CASP9: variants seen among roughly 807,000 people sequenced by gnomAD.
CASP9 encodes the protein caspase 9.
In CASP9, 29 loss-of-function variants were observed where a neutral mutation model predicts 43.5. The ratio of observed to expected loss-of-function variants is 0.67; its 90% CI spans 0.50 to 0.91. CASP9 has a LOEUF of 0.91. Among genes scored for constraint, CASP9 ranks in the 40% least tolerant of loss-of-function variants. CASP9 has a pLI of 0.00. For missense variants in CASP9, 575 were observed against 537.4 expected (o/e 1.07, Z -0.69); for synonymous variants, 206 against 211.9 (o/e 0.97, Z 0.24).
intron 4 of CASP9, 79 bp from the exon 5 acceptor site, chr1:15,506,158 G>A (rs1307934322): frequency 5.2e-6 from 5 of 952,548 alleles, no homozygotes; most frequent in African/African-American, 1.6e-5. Flanking sequence ...CAATAAAAGG[G>A]CCCAGCCTGG....
At chr1:15,502,568 G>A (rs959009787) in intron 6 of CASP9, among the ~76,000 whole-genome samples, 5 of 152,190 alleles carry the variant, frequency 3.3e-5, no homozygotes, top group Non-Finnish European at 4.4e-5. Context: ...CTGGGGACTC[G>A]GAGCATGCCA....
rs1252666675 is a variant in CASP9 at position 15,495,356 on chromosome 1, C to T, written c.965G>A (p.Gly322Asp). ...PEPDATPFQE[G>D]LRTFDQLDAI... ...GTCCAGCTGGTCGAAGGTCCTCAAA[C>T]CTTCCTGGAACGGGGTGGCATCTGG... The change falls in exon 7 of 9, where the codon GGT becomes GAT. Residue 322 changes from glycine to aspartate, a missense_variant. By Grantham distance (94) the Gly-to-Asp change is moderately conservative. Transcript: ENST00000333868. 2.5e-6 allele frequency: 4 copies of T among 1,610,284 alleles called. No individual in the cohort carries two copies. In the South Asian group the frequency reaches 4.4e-5, roughly 18 times the overall value.
intron 1 of CASP9, chr1:15,519,895 A>T (rs1710111608): frequency 6.6e-6 from 1 of 152,608 alleles, no homozygotes; most frequent in South Asian, 2.1e-4. Context: ...AGTCCCAGCT[A>T]CTCAGGAGGC....
intron 1 of CASP9, among the ~76,000 whole-genome samples, chr1:15,522,571 C>T (rs1308064921): frequency 1.3e-5 from 2 of 152,056 alleles, no homozygotes; most frequent in African/African-American, 2.4e-5. Context: ...TTTAATTAGC[C>T]AGGCATGGTG....
At chr1:15,497,413 G>C (rs927113056) in intron 6 of CASP9, among the ~76,000 whole-genome samples, 3 of 151,918 alleles carry the variant, frequency 2.0e-5, no homozygotes, top group African/African-American at 7.3e-5. Context: ...GGGAGACCGA[G>C]GCTGGTGGAT....
At chr1:15,499,818 T>C (rs1356059863) in intron 6 of CASP9, among the ~76,000 whole-genome samples, 1 of 152,232 alleles carries the variant, frequency 6.6e-6, no homozygotes, top group Non-Finnish European at 1.5e-5. Context: ...AAAAGGAAGA[T>C]GCAAAAATGA....
At chr1:15,523,429 T>A (rs971749811) in intron 1 of CASP9, among the ~76,000 whole-genome samples, 1 of 152,204 alleles carries the variant, frequency 6.6e-6, no homozygotes, top group African/African-American at 2.4e-5. Flanking sequence ...CCGAAACCTC[T>A]ATGCTAGAAA....
At chr1:15,496,762 C>T (rs746509523) in intron 6 of CASP9, among the ~76,000 whole-genome samples, 2 of 152,214 alleles carry the variant, frequency 1.3e-5, no homozygotes, top group East Asian at 3.8e-4. Flanking sequence ...GATGCCATGG[C>T]TCACGCCTGT....
intron 6 of CASP9, among the ~76,000 whole-genome samples, chr1:15,498,879 T>C (rs2103334256): frequency 6.6e-6 from 1 of 151,826 alleles, no homozygotes; most frequent in African/African-American, 2.4e-5. Flanking sequence ...CCCAAGTAGC[T>C]GGGACTACAG....
chr1:15,518,535 C>T (rs1710050702), intron 1 of CASP9, 140 bp from the exon 2 acceptor site: 3 of 716,572 alleles, frequency 4.2e-6, no homozygotes, highest in Non-Finnish European at 6.7e-6. Context: ...CACTGTGTGC[C>T]ATTTACCAGC....
At chr1:15,522,745 AT>A (rs1236236825) in intron 1 of CASP9, among the ~76,000 whole-genome samples, 1 of 152,164 alleles carries the variant, frequency 6.6e-6, no homozygotes, top group African/African-American at 2.4e-5. Context: ...ATACTGGGCC[AT>A]TTGTTGATAT....
At chr1:15,505,488 C>A (rs144292288) in intron 5 of CASP9, among the ~76,000 whole-genome samples, 1 of 152,304 alleles carries the variant, frequency 6.6e-6, no homozygotes, top group African/African-American at 2.4e-5. Context: ...GGACTCCAGG[C>A]CCCAGCTTAT....
chr1:15,524,125 A>T lies in CASP9; in HGVS notation c.76T>A (p.Trp26Arg), dbSNP rs775197782. 1 of 1,541,548 alleles carries T rather than the reference A, an allele frequency of 6.5e-7. No individual in the cohort carries two copies. Among genetic ancestry groups the T allele is most frequent in the South Asian group, 1.2e-5 (1 of 84,002 alleles). The change falls in exon 1 of 9, where the codon TGG (tryptophan) becomes AGG (arginine). Residue 26 changes from tryptophan to arginine, a missense_variant. By Grantham distance (101) the Trp-to-Arg change is moderately radical (BLOSUM62 -3). Transcript: ENST00000333868. ...LVEELQVDQL[W>R]DALLSRELFR... ...AGCTCGCGGCTCAGCAGGGCGTCCC[A>T]GAGCTGGTCCACCTGCAGCTCTTCC...
At chr1:15,503,918 CTTT>C (rs912721182) in intron 6 of CASP9, among the ~76,000 whole-genome samples, 1 of 152,158 alleles carries the variant, frequency 6.6e-6, no homozygotes, top group African/African-American at 2.4e-5. Flanking sequence ...TCTCTTCCCT[CTTT>C]TTTTATAAGA....
At chr1:15,524,494 G>A, upstream of CASP9, 1 of 596,860 alleles carries the variant, frequency 1.7e-6, no homozygotes, top group Non-Finnish European at 2.1e-6. Context: ...TCACCGCCCC[G>A]CCCCAGAACC....
chr1:15,507,995 C>G, intron 2 of CASP9, 88 bp from the exon 3 acceptor site: 1 of 1,393,934 alleles, frequency 7.2e-7, no homozygotes, highest in Non-Finnish European at 1.0e-6. Flanking sequence ...CCCCCAAGAA[C>G]GGAGCAGCGA....
At chr1:15,521,953 C>T (rs1710220256) in intron 1 of CASP9, among the ~76,000 whole-genome samples, 1 of 152,148 alleles carries the variant, frequency 6.6e-6, no homozygotes, top group South Asian at 2.1e-4. Flanking sequence ...TTGGGAACAG[C>T]ACAGACCTAC....
Position 15,492,809 on chromosome 1 carries a change from T to C in CASP9, c.*134A>G. On this transcript the variant is annotated 3_prime_UTR_variant, in exon 9 of 9. Coordinates refer to ENST00000333868, the MANE Select transcript of CASP9 (RefSeq NM_001229.5). The stretch of plus-strand genomic sequence containing the variant: ...AAGCTGCTAAGAGCCTGTCTGTCAC[T>C]GGCAGAGAAAGAGCAGACCCTGTGC... The C allele has an allele frequency of 8.1e-7, 1 of 1,238,180 alleles. No homozygotes were observed. The highest frequency in any genetic ancestry group is 1.1e-6 in the Non-Finnish European group (1 of 892,648). 76.7% of individuals were successfully genotyped at this position (1,238,180 alleles called of 1,614,324 possible). A position where few individuals can be genotyped will look rare whatever the true frequency, so the allele number is the denominator to read the frequency against.
rs1388086077 is a variant in CASP9, at chr1:15,508,199, A to G, written c.419-292T>C. On this transcript the variant is annotated intron_variant, in intron 2 of 8. Coordinates refer to ENST00000333868, the MANE Select transcript of CASP9 (RefSeq NM_001229.5). ...CCTGAGGCCTTATTCATCACGCCCC[A>G]ACATGGAAACAACCAATCTAACAAC... 3.3e-5 allele frequency among the ~76,000 whole-genome samples: 5 copies of G among 152,220 alleles called. No homozygotes were observed. In the East Asian group the frequency reaches 5.8e-4, roughly 18 times the overall value.
Sources: allele counts gnomAD v4.1 joint callset (sites outside exome capture counted in the v4.1 genomes callset), GRCh38; gene constraint gnomAD v4.1.1; transcripts MANE v1.5; gene names NCBI Gene and HGNC (gene_info 2026-07-23, HGNC 2026-07-21).